The following SLC35B3 variants were observed in gnomAD, a reference collection of about 807,000 sequenced individuals.
SLC35B3 encodes adenosine 3'-phospho 5'-phosphosulfate transporter 2.
SLC35B3 carries 35 observed loss-of-function variants against 44.1 expected under a neutral mutation model. That is an observed-to-expected ratio of 0.79 (90% CI 0.61 to 1.05). The LOEUF (loss-of-function observed/expected upper bound fraction) is 1.05. SLC35B3 is among the 50% of genes least tolerant of loss of function. The pLI is 0.00. For missense variants in SLC35B3, 414 were observed against 476.4 expected (o/e 0.87, Z 1.22); for synonymous variants, 146 against 167.3 (o/e 0.87, Z 0.98).
Position 8,435,150 on chromosome 6 carries a change from A to C in SLC35B3, c.-44+193T>G. The C allele has an allele frequency of 7.8e-7, 1 of 1,283,134 alleles. No individual in the cohort carries two copies. Among genetic ancestry groups the C allele is most frequent in the Non-Finnish European group, 1.0e-6 (1 of 986,014 alleles). The allele number at this position is 1,283,134 out of a possible 1,614,324, so 79.5% of individuals were successfully genotyped here. A position where few individuals can be genotyped will look rare whatever the true frequency, so the allele number is the denominator to read the frequency against. Reference sequence around the variant, plus strand: ...GGGCGAAAAACGGGCGAGGAGGAACAGATGCTCCTCCCTGGAAACCGCCCG... The same window carrying C: ...GGGCGAAAAACGGGCGAGGAGGAACCGATGCTCCTCCCTGGAAACCGCCCG... On this transcript the variant is annotated intron_variant, in intron 1 of 10. Coordinates refer to ENST00000644923, the MANE Select transcript of SLC35B3 (RefSeq NM_001370476.2). The surrounding 1 kb of genome is among the most constrained non-coding windows in gnomAD (Gnocchi z 5.5).
intron 2 of SLC35B3, among the ~76,000 whole-genome samples, chr6:8,431,647 G>A (rs1241762521): frequency 6.6e-6 from 1 of 152,138 alleles, no homozygotes; most frequent in Non-Finnish European, 1.5e-5. Flanking sequence ...TTCAATCACT[G>A]TCATTTGTAA....
At chr6:8,421,849 C>T (rs574948593) in intron 5 of SLC35B3, among the ~76,000 whole-genome samples, 7 of 152,272 alleles carry the variant, frequency 4.6e-5, no homozygotes, top group African/African-American at 4.8e-5. Flanking sequence ...GACCTTTCCA[C>T]GTACTTTTGA....
intron 4 of SLC35B3, among the ~76,000 whole-genome samples, chr6:8,425,633 T>C (rs1419872351): frequency 6.6e-6 from 1 of 152,150 alleles, no homozygotes; most frequent in Non-Finnish European, 1.5e-5. Context: ...GATTTAAATA[T>C]GTAAAACTGT....
Position 8,435,189 on chromosome 6 carries a change from C to A in SLC35B3, c.-44+154G>T. 7.8e-7 allele frequency: 1 copy of A among 1,288,568 alleles called. No individual in the cohort carries two copies. The highest frequency in any genetic ancestry group is 1.0e-6 in the Non-Finnish European group (1 of 988,636). 79.8% of individuals were successfully genotyped at this position (1,288,568 alleles called of 1,614,324 possible). Reference sequence around the variant, plus strand: ...GGAAACCGCCCGGCCGGTTTCCGCTCTTTCAAAAAAGGGAATCACCCGTTT... The same window carrying A: ...GGAAACCGCCCGGCCGGTTTCCGCTATTTCAAAAAAGGGAATCACCCGTTT... On this transcript the variant is annotated intron_variant, in intron 1 of 10. Coordinates refer to ENST00000644923, the MANE Select transcript of SLC35B3 (RefSeq NM_001370476.2). This position sits in a 1 kb window ranked among gnomAD's most constrained non-coding sequence, Gnocchi z 5.5.
In SLC35B3 at chr6:8,413,568, G is replaced by A. The variant is rs769872030; in HGVS notation, c.1187C>T (p.Thr396Met). The change falls in exon 11 of 11, where the codon ACG (threonine) becomes ATG (methionine). Residue 396 changes from threonine (T) to methionine (M), a missense_variant. By Grantham distance (81) the Thr-to-Met change is moderately conservative (BLOSUM62 -1). Transcript: ENST00000644923. ...CACTGTCTATACAGTCTGTGCCAGC[G>A]TCCTTGACTTTCTTGCTTCCACTGA... 25 of 1,609,370 alleles carry A rather than the reference G, an allele frequency of 1.6e-5. No homozygotes were observed. The highest frequency in any genetic ancestry group is 6.7e-5 in the African/African-American group (5 of 74,762).
At chr6:8,416,477 A>G (rs1762423570) in intron 9 of SLC35B3, among the ~76,000 whole-genome samples, 2 of 152,214 alleles carry the variant, frequency 1.3e-5, no homozygotes, top group South Asian at 4.1e-4. Context: ...TAGAAAATGT[A>G]CAAATGAAAG....
rs202129168 is a variant in SLC35B3, at chr6:8,429,922, T to G, written c.239A>C (p.Gln80Pro). Residue 80 changes from glutamine (Q) to proline (P), a missense_variant, in exon 3 of 11, where the codon CAG becomes CCG. Physicochemically the swap from Gln to Pro is moderately conservative, Grantham distance 76. Coordinates refer to ENST00000644923, the MANE Select transcript of SLC35B3 (RefSeq NM_001370476.2). ...AACTCCAGCAACACATATGAAAAAC[T>G]GAGTAAGTTTGTTAAACTTGCTGAG... 6.2e-7 allele frequency: 1 copy of G among 1,610,364 alleles called. No homozygotes were observed. Among genetic ancestry groups the G allele is most frequent in the Admixed American group, 1.7e-5 (1 of 59,554 alleles).
In SLC35B3 at chr6:8,433,134, A is replaced by C. The variant is rs778474606; in HGVS notation, c.3+1251T>G. Among the ~76,000 whole-genome samples the C allele has an allele frequency of 6.6e-6, 1 of 152,064 alleles. No homozygotes were observed. Among genetic ancestry groups the C allele is most frequent in the African/African-American group, 2.4e-5 (1 of 41,416 alleles). On this transcript the variant is annotated intron_variant, in intron 2 of 10. Transcript: ENST00000644923. This position sits in a 1 kb window ranked among gnomAD's most constrained non-coding sequence, Gnocchi z 4.1. Reference sequence around the variant, plus strand: ...AACTCTACCTCTATAACTATATCTAATATCTGTTTCGGACCCTACTCCATC... The same window carrying C: ...AACTCTACCTCTATAACTATATCTACTATCTGTTTCGGACCCTACTCCATC...
intron 5 of SLC35B3, 116 bp downstream of exon 4, chr6:8,422,354 A>C (rs1331022235): frequency 1.2e-6 from 1 of 827,478 alleles, no homozygotes; most frequent in East Asian, 2.6e-5. Flanking sequence ...CAGAATTGTT[A>C]CAATATCTAG....
Position 8,428,036 on chromosome 6 carries a change from C to T in SLC35B3, c.320G>A (p.Gly107Asp). Residue 107 changes from glycine (G) to aspartate (D), a missense_variant, in exon 4 of 11, where the codon GGT becomes GAT. By Grantham distance (94) the Gly-to-Asp change is moderately conservative (BLOSUM62 -1). Transcript: ENST00000644923. ...AAGGTACCAGCCACAGGACTTAAAACCCTCCACTGAAAATATTAATTCCTG... is the reference window on the plus strand; with the variant it reads ...AAGGTACCAGCCACAGGACTTAAAATCCTCCACTGAAAATATTAATTCCTG... 2 of 1,596,050 alleles carry T rather than the reference C, an allele frequency of 1.3e-6. No individual in the cohort carries two copies. Among genetic ancestry groups the T allele is most frequent in the Non-Finnish European group, 1.7e-6 (2 of 1,171,438 alleles).
rs765704570 is a variant in SLC35B3, at chr6:8,432,983, CT to C, written c.3+1401del. On this transcript the variant is annotated intron_variant, in intron 2 of 10. Coordinates refer to ENST00000644923, the MANE Select transcript of SLC35B3 (RefSeq NM_001370476.2). The surrounding 1 kb of genome is among the most constrained non-coding windows in gnomAD (Gnocchi z 4.8). ...TTATTTTCCCCTCAAAACAAATCTACTGTTTGTTCCTATATTCCCAATCTCA... is the reference window on the plus strand; with the variant it reads ...TTATTTTCCCCTCAAAACAAATCTACGTTTGTTCCTATATTCCCAATCTCA... Among the ~76,000 whole-genome samples the C allele has an allele frequency of 1.3e-4, 20 of 152,184 alleles. No individual in the cohort carries two copies. The highest frequency in any genetic ancestry group is 2.4e-4 in the Non-Finnish European group (16 of 68,028).
chr6:8,434,888 T>C lies in SLC35B3; in HGVS notation c.-44+455A>G, dbSNP rs1224947168. ...GTGGAAGTTTATGCCATAAACTTAA[T>C]AGCCCAGCCAGAACAATCACATTCT... On this transcript the variant is annotated intron_variant, in intron 1 of 10. Transcript: ENST00000644923. The surrounding 1 kb of genome is among the most constrained non-coding windows in gnomAD (Gnocchi z 6.3). Among the ~76,000 whole-genome samples, 3 of 152,052 alleles carry C rather than the reference T, an allele frequency of 2.0e-5. No homozygotes were observed. The highest frequency in any genetic ancestry group is 4.4e-5 in the Non-Finnish European group (3 of 68,040).
chr6:8,434,535 CTA>C lies in SLC35B3; in HGVS notation c.-43-107_-43-106del. 1.1e-6 allele frequency: 1 copy of C among 887,728 alleles called. No individual in the cohort carries two copies. Among genetic ancestry groups the C allele is most frequent in the African/African-American group, 1.7e-5 (1 of 57,772 alleles). The allele number at this position is 887,728 out of a possible 1,614,324, so 55.0% of individuals were successfully genotyped here. A position where few individuals can be genotyped will look rare whatever the true frequency, so the allele number is the denominator to read the frequency against. On this transcript the variant is annotated intron_variant, in intron 1 of 10. Coordinates refer to ENST00000644923, the MANE Select transcript of SLC35B3 (RefSeq NM_001370476.2). This position sits in a 1 kb window ranked among gnomAD's most constrained non-coding sequence, Gnocchi z 6.3. ...GAAACCCTGTGCTAATGTTTGAAGA[CTA>C]TTCTTTTTTTTTTCCAAGAGAAAAA... is the stretch of plus-strand genomic sequence containing the variant.
chr6:8,429,709 G>GTTTTCTCTT (rs11281575), intron 3 of SLC35B3, 155 bp downstream of exon 2: 1 of 524,394 alleles, frequency 1.9e-6, no homozygotes, highest in African/African-American at 2.0e-5. Context: ...ATTTTGATCT[G>GTTTTCTCTT]TTAAGAAGCT....
At position 8,430,001 on chromosome 6, in the gene SLC35B3, T is replaced by C. The variant is rs776313854; in HGVS notation, c.160A>G (p.Thr54Ala). The change falls in exon 3 of 11, where the codon ACA (threonine) becomes GCA (alanine). Residue 54 changes from threonine (T) to alanine (A), a missense_variant. Coordinates refer to ENST00000644923, the MANE Select transcript of SLC35B3 (RefSeq NM_001370476.2). Reference sequence around the variant, plus strand: ...ACTGACTTGATGTGTGGTGACATTGTTTGGGTTTTGGATGGCACAGTGATA... The same window carrying C: ...ACTGACTTGATGTGTGGTGACATTGCTTGGGTTTTGGATGGCACAGTGATA... 16 of 1,613,978 alleles carry C rather than the reference T, an allele frequency of 9.9e-6. No individual in the cohort carries two copies. Among genetic ancestry groups the C allele is most frequent in the Non-Finnish European group, 1.4e-5 (16 of 1,179,956 alleles).
In SLC35B3 at chr6:8,433,086, T is replaced by C. The variant is rs1011939587; in HGVS notation, c.3+1299A>G. Reference sequence around the variant, plus strand: ...AGAATCTTTCCTTTTCCTCACATTCTATATTTTGCCAAGATTCCTGTTAAC... The same window carrying C: ...AGAATCTTTCCTTTTCCTCACATTCCATATTTTGCCAAGATTCCTGTTAAC... On this transcript the variant is annotated intron_variant, in intron 2 of 10. Coordinates refer to ENST00000644923, the MANE Select transcript of SLC35B3 (RefSeq NM_001370476.2). This position sits in a 1 kb window ranked among gnomAD's most constrained non-coding sequence, Gnocchi z 4.1. 6.6e-6 allele frequency among the ~76,000 whole-genome samples: 1 copy of C among 152,208 alleles called. No homozygotes were observed. Among genetic ancestry groups the C allele is most frequent in the African/African-American group, 2.4e-5 (1 of 41,460 alleles).
rs1005603995 is a variant in SLC35B3, at chr6:8,420,164, G to A, written c.683-487C>T. On this transcript the variant is annotated intron_variant, in intron 6 of 10. Coordinates refer to ENST00000644923, the MANE Select transcript of SLC35B3 (RefSeq NM_001370476.2). The surrounding 1 kb of genome is among the most constrained non-coding windows in gnomAD (Gnocchi z 4.4). Reference sequence around the variant, plus strand: ...GTCAGGGCCTTTTTCTTTGAGCATGGGTCCTGAATAGAATTCCATATTTTC... The same window carrying A: ...GTCAGGGCCTTTTTCTTTGAGCATGAGTCCTGAATAGAATTCCATATTTTC... Among the ~76,000 whole-genome samples the A allele has an allele frequency of 6.6e-6, 1 of 151,954 alleles. No homozygotes were observed. Among genetic ancestry groups the A allele is most frequent in the Non-Finnish European group, 1.5e-5 (1 of 67,994 alleles).
chr6:8,424,278 G>A (rs577875009), intron 4 of SLC35B3, among the ~76,000 whole-genome samples: 5 of 152,136 alleles, frequency 3.3e-5, no homozygotes, highest in African/African-American at 1.2e-4. Context: ...TTGAGACGGA[G>A]TCTCGCTCTT....
intron 4 of SLC35B3, among the ~76,000 whole-genome samples, chr6:8,424,004 T>C (rs1156705909): frequency 6.6e-6 from 1 of 152,058 alleles, no homozygotes; most frequent in African/African-American, 2.4e-5. Context: ...AAAATAAAAA[T>C]TCAAGTCAGA....
Sources: allele counts gnomAD v4.1 joint callset (sites outside exome capture counted in the v4.1 genomes callset), GRCh38; gene constraint gnomAD v4.1.1; non-coding constraint Gnocchi (gnomAD v3.1); transcripts MANE v1.5; gene names NCBI Gene and HGNC (gene_info 2026-07-23, HGNC 2026-07-21).